Variants in UPF3A observed in about 807,000 individuals in gnomAD.
UPF3A encodes the protein UPF3A regulator of nonsense mediated mRNA decay.
In UPF3A, 42 loss-of-function variants were observed where a neutral mutation model predicts 53.5. The observed-to-expected ratio is 0.78, with a 90% CI of 0.61 to 1.01. The LOEUF is 1.01. UPF3A is among the 50% of genes least tolerant of loss of function. The pLI is 0.00. For missense variants in UPF3A, 575 were observed against 598.0 expected (o/e 0.96, Z 0.40); for synonymous variants, 237 against 225.3 (o/e 1.05, Z -0.47).
Position 114,281,974 on chromosome 13 carries a change from C to T in UPF3A, c.208-47C>T, listed in dbSNP as rs1218073583. On this transcript the variant is annotated intron_variant, in intron 1 of 9. Coordinates refer to ENST00000375299, the MANE Select transcript of UPF3A (RefSeq NM_023011.4). ...GCGGTACGCGGTGCCTTTTGAGCTCCTTGTCCACGCTCCGCCCCGGTGGGA... is the reference window on the plus strand; with the variant it reads ...GCGGTACGCGGTGCCTTTTGAGCTCTTTGTCCACGCTCCGCCCCGGTGGGA... 1.5e-5 allele frequency: 23 copies of T among 1,517,788 alleles called. No homozygotes were observed. In the South Asian group the frequency reaches 1.6e-4, roughly 10 times the overall value. The allele number at this position is 1,517,788 out of a possible 1,614,324, so 94.0% of individuals were successfully genotyped here.
chr13:114,305,459 T>C lies in UPF3A; in HGVS notation c.*542T>C, dbSNP rs1030434625. 1 of 170,720 alleles carries C rather than the reference T, an allele frequency of 5.9e-6. No individual in the cohort carries two copies. The highest frequency in any genetic ancestry group is 2.4e-5 in the African/African-American group (1 of 41,802). 10.6% of individuals were successfully genotyped at this position (170,720 alleles called of 1,614,324 possible). A position where few individuals can be genotyped will look rare whatever the true frequency, so the allele number is the denominator to read the frequency against. ...GGAATATTTATCAGAGTTCACACTA[T>C]ATAAAACCCAACAGCTTCAACTATT... On this transcript the variant is annotated 3_prime_UTR_variant, in exon 10 of 10. Coordinates refer to ENST00000375299, the MANE Select transcript of UPF3A (RefSeq NM_023011.4).
At chr13:114,287,955 C>A (rs984513303) in intron 5 of UPF3A, among the ~76,000 whole-genome samples, 8 of 152,060 alleles carry the variant, frequency 5.3e-5, no homozygotes, top group Non-Finnish European at 1.2e-4. Flanking sequence ...TACAGGCACC[C>A]GCCATCATGC....
At position 114,298,980 on chromosome 13, in the gene UPF3A, G is replaced by A. The variant is rs1284120921; in HGVS notation, c.987G>A (p.Ser329=). Residue 329 remains serine (S), a synonymous_variant, in exon 8 of 10, where the codon TCG becomes TCA. Transcript: ENST00000375299. ...AVVKARPMEG[S]LEEPQETSHS... ...TAAAAGCCAGGCCCATGGAAGGCTC[G>A]CTGGAGGAGCCCCAGGAGACGTGAG... 8.7e-6 allele frequency: 14 copies of A among 1,601,548 alleles called. No individual in the cohort carries two copies. Among genetic ancestry groups the A allele is most frequent in the Middle Eastern group, 1.7e-4 (1 of 6,012 alleles).
At chr13:114,283,762 CT>C (rs2084370583) in intron 3 of UPF3A, 3 of 985,394 alleles carry the variant, frequency 3.0e-6, no homozygotes, top group Admixed American at 1.2e-4. Context: ...CTGCTTTCAT[CT>C]TTTTCCTTCT....
At position 114,291,524 on chromosome 13, in the gene UPF3A, A is replaced by T; in HGVS notation, c.667A>T (p.Asn223Tyr). The change falls in exon 6 of 10, where the codon AAT becomes TAT. Residue 223 changes from asparagine (N) to tyrosine (Y), a missense_variant. Asn to Tyr is a moderately radical substitution (Grantham distance 143, BLOSUM62 -2). Around this residue, in one of 2 missense-constraint regions of UPF3A, gnomAD observed 323 missense variants for 415.2 expected, o/e 0.78. Transcript: ENST00000375299. ...RTTPLLEYIKNRKLEKQRIRE... is the reference protein window; with the variant it reads ...RTTPLLEYIKYRKLEKQRIRE... ...CACACCTCTTTTGGAATATATTAAAAATAGAAAATTAGAAAAGCAGGTAGG... is the reference window on the plus strand; with the variant it reads ...CACACCTCTTTTGGAATATATTAAATATAGAAAATTAGAAAAGCAGGTAGG... 2 of 1,609,670 alleles carry T rather than the reference A, an allele frequency of 1.2e-6. No individual in the cohort carries two copies. The highest frequency in any genetic ancestry group is 1.7e-6 in the Non-Finnish European group (2 of 1,178,954).
intron 7 of UPF3A, among the ~76,000 whole-genome samples, chr13:114,295,440 TGGTTTCTCATGAATG>T (rs2085858330): frequency 9.9e-5 from 15 of 151,280 alleles, no homozygotes; most frequent in South Asian, 2.1e-4. Context: ...TCTGGCCTGC[TGGTTTCTCATGAATG>T]CACCAGCGGA....
chr13:114,301,920 G>A lies in UPF3A; in HGVS notation c.1197G>A (p.Lys399=), dbSNP rs778830907. 27 of 1,610,060 alleles carry A rather than the reference G, an allele frequency of 1.7e-5. No individual in the cohort carries two copies. The Admixed American group carries it at 4.6e-4, about 27-fold the overall frequency. ...GACCTGGCCAAGACAGAGGGAAGAA[G>A]GGGAGCCAGGACAGCGGGGCTCCGG... is the stretch of plus-strand genomic sequence containing the variant. ...GKGPGQDRGK[K]GSQDSGAPGE... Residue 399 remains lysine (K), a synonymous_variant, in exon 9 of 10, where the codon AAG becomes AAA. Coordinates refer to ENST00000375299, the MANE Select transcript of UPF3A (RefSeq NM_023011.4).
intron 5 of UPF3A, among the ~76,000 whole-genome samples, chr13:114,289,025 C>T (rs904279310): frequency 4.6e-5 from 7 of 151,956 alleles, no homozygotes; most frequent in African/African-American, 2.4e-5. Context: ...GGGGCAGACA[C>T]GTGGCTCCTG....
intron 7 of UPF3A, among the ~76,000 whole-genome samples, chr13:114,293,245 G>A (rs964278167): frequency 6.8e-6 from 1 of 148,046 alleles, no homozygotes; most frequent in East Asian, 2.1e-4. Flanking sequence ...TGAGCCGGAC[G>A]TGGTGGCGTG....
chr13:114,286,808 T>C, intron 5 of UPF3A, 179 bp downstream of exon 5: 1 of 607,246 alleles, frequency 1.6e-6, no homozygotes. Context: ...TGGGAAAATA[T>C]TTCTGAGCGT....
chr13:114,299,654 C>T (rs980417233), intron 8 of UPF3A, among the ~76,000 whole-genome samples: 5 of 152,218 alleles, frequency 3.3e-5, no homozygotes, highest in African/African-American at 1.2e-4. Context: ...CATTATCTGC[C>T]CGGTGGGCCA....
chr13:114,283,045 C>T (rs879864706), intron 3 of UPF3A, 102 bp downstream of exon 3: 52 of 932,982 alleles, frequency 5.6e-5, no homozygotes, highest in Non-Finnish European at 7.5e-5. Context: ...TTTTTTGAGA[C>T]AGGGTCTTGC....
At chr13:114,287,411 G>A (rs936805416) in intron 5 of UPF3A, 2 of 152,228 alleles carry the variant, frequency 1.3e-5, no homozygotes, top group African/African-American at 4.8e-5. Flanking sequence ...CCGACATGGT[G>A]AAACCCCATC....
At chr13:114,294,447 G>C (rs1046543728) in intron 7 of UPF3A, among the ~76,000 whole-genome samples, 16 of 152,048 alleles carry the variant, frequency 1.1e-4, no homozygotes, top group African/African-American at 3.9e-4. Context: ...AAAATTTGTA[G>C]AAGTGGGGGT....
intron 3 of UPF3A, 155 bp from the exon 4 acceptor site, chr13:114,286,147 T>C (rs1594761579): frequency 2.0e-6 from 2 of 1,007,920 alleles, no homozygotes; most frequent in East Asian, 5.3e-5. Context: ...TTAATCTTTT[T>C]TTTAATCTCT....
At chr13:114,294,508 C>T (rs1441794313) in intron 7 of UPF3A, among the ~76,000 whole-genome samples, 1 of 152,174 alleles carries the variant, frequency 6.6e-6, no homozygotes, top group Non-Finnish European at 1.5e-5. Flanking sequence ...AAGTGATCCT[C>T]CCACTGCTGG....
rs1235880285 is a variant in UPF3A at position 114,305,634 on chromosome 13, TATAGC to T, written c.*721_*725del. 3 of 152,846 alleles carry T rather than the reference TATAGC, an allele frequency of 2.0e-5. No homozygotes were observed. The highest frequency in any genetic ancestry group is 7.2e-5 in the African/African-American group (3 of 41,460). The allele number at this position is 152,846 out of a possible 1,614,324, so 9.5% of individuals were successfully genotyped here. On this transcript the variant is annotated 3_prime_UTR_variant, in exon 10 of 10. Transcript: ENST00000375299. ...TTTGTTCGGGAAGGGATAAACTAGATATAGCATACAGAGCCTGTTTTTGAGTTTTA... is the reference window on the plus strand; with the variant it reads ...TTTGTTCGGGAAGGGATAAACTAGATATACAGAGCCTGTTTTTGAGTTTTA...
rs767244036 is a variant in UPF3A, at chr13:114,291,472, C to A, written c.632-17C>A. On this transcript the variant is annotated splice_polypyrimidine_tract_variant and intron_variant, in intron 5 of 9. Transcript: ENST00000375299. ...TCTTTAGGAGTTAAATACAATATTACAATTTTTGTGTTTTAGCTAGAAGAA... is the reference window on the plus strand; with the variant it reads ...TCTTTAGGAGTTAAATACAATATTAAAATTTTTGTGTTTTAGCTAGAAGAA... 7.6e-6 allele frequency: 12 copies of A among 1,582,936 alleles called. No individual in the cohort carries two copies. In the East Asian group the frequency reaches 1.3e-4, roughly 18 times the overall value.
At chr13:114,301,467 A>C (rs1445778079) in intron 8 of UPF3A, among the ~76,000 whole-genome samples, 1 of 151,716 alleles carries the variant, frequency 6.6e-6, no homozygotes, top group Non-Finnish European at 1.5e-5. Context: ...CATCTCAGAA[A>C]AAAAAAAAAA....
Sources: allele counts gnomAD v4.1 joint callset (sites outside exome capture counted in the v4.1 genomes callset), GRCh38; gene constraint gnomAD v4.1.1; regional missense constraint gnomAD v4.1.1; transcripts MANE v1.5; gene names NCBI Gene and HGNC (gene_info 2026-07-23, HGNC 2026-07-21).